Variants in HMX1 observed in about 807,000 individuals in gnomAD.
The protein encoded by HMX1 is H6 family homeobox 1.
Under a neutral mutation model 8.9 loss-of-function variants are expected in HMX1, and 8 were observed. The observed-to-expected ratio is 0.90, with a 90% CI of 0.53 to 1.63. HMX1 has a LOEUF of 1.63. Ranked by LOEUF, HMX1 falls within the 40% of genes most tolerant of loss-of-function variation. The pLI, the probability that HMX1 is intolerant of heterozygous loss-of-function variation, is 0.00. For missense variants in HMX1, 621 were observed against 558.5 expected, an observed-to-expected ratio of 1.11 and a Z score of -1.13; for synonymous variants, 311 against 283.4, an observed-to-expected ratio of 1.10 and a Z score of -0.98.
At chr4:8,859,821 C>A (rs1721736847) in intron 1 of HMX1, among the ~76,000 whole-genome samples, 2 of 152,202 alleles carry the variant, frequency 1.3e-5, no homozygotes, top group South Asian at 2.1e-4. Context: ...GCTCCCGTCC[C>A]GGCCCGAAGA....
downstream of HMX1, among the ~76,000 whole-genome samples, chr4:8,862,772 G>A (rs990166421): frequency 6.6e-6 from 1 of 152,136 alleles, no homozygotes; most frequent in Non-Finnish European, 1.5e-5. Context: ...CAAAAACTCA[G>A]CCCCACAGCT....
chr4:8,856,002 G>A lies in HMX1; in HGVS notation c.395-9678C>T, dbSNP rs549601516. Among the ~76,000 whole-genome samples, 22 of 152,308 alleles carry A rather than the reference G, an allele frequency of 1.4e-4. No homozygotes were observed. In the South Asian group the frequency reaches 2.3e-3, roughly 16 times the overall value. ...GCTGGAAGGGAGCTTGGGGACAGAT[G>A]AACAACAGGACCACAGAAAACCAAG... On this transcript the variant is annotated intron_variant, in intron 1 of 1. Transcript: ENST00000506970.
Position 8,867,942 on chromosome 4 carries a change from C to G in HMX1, c.798G>C (p.Leu266=). Residue 266 remains leucine, a synonymous_variant, in exon 2 of 2, where the codon CTG becomes CTC. Transcript: ENST00000400677. ...CCGGCGGGGACAGGCTGGCCGCCTC[C>G]AGCTCGGCTGCCAGCTGCCGCTTCC... The part of the protein sequence containing the change: ...NKWKRQLAAE[L]EAASLSPPGA... 1 of 1,483,376 alleles carries G rather than the reference C, an allele frequency of 6.7e-7. No individual in the cohort carries two copies. The highest frequency in any genetic ancestry group is 8.9e-7 in the Non-Finnish European group (1 of 1,118,224). 91.9% of individuals were successfully genotyped at this position (1,483,376 alleles called of 1,614,324 possible). A position where few individuals can be genotyped will look rare whatever the true frequency, so the allele number is the denominator to read the frequency against.
At chr4:8,855,515 G>A (rs954482995) in intron 1 of HMX1, among the ~76,000 whole-genome samples, 2 of 152,172 alleles carry the variant, frequency 1.3e-5, no homozygotes, top group African/African-American at 2.4e-5. Flanking sequence ...TCTGGGGGTC[G>A]AGGTGAGTGC....
rs1028944325 is a variant in HMX1 at position 8,867,413 on chromosome 4, G to T, written c.*280C>A. On this transcript the variant is annotated 3_prime_UTR_variant, in exon 2 of 2. Coordinates refer to ENST00000400677, the MANE Select transcript of HMX1 (RefSeq NM_018942.3). ...CCGCTCCTCGCTGAGGCCGGGGGGT[G>T]GCCGTGGCGCCGGGGGCTGCGCAGC... The T allele has an allele frequency of 3.7e-6, 4 of 1,077,142 alleles. No homozygotes were observed. The African/African-American group carries it at 6.7e-5, about 18-fold the overall frequency. 66.7% of individuals were successfully genotyped at this position (1,077,142 alleles called of 1,614,324 possible).
At position 8,868,024 on chromosome 4, in the gene HMX1, G is replaced by A; in HGVS notation, c.716C>T (p.Ser239Phe). The change falls in exon 2 of 2, where the codon TCC becomes TTC. Residue 239 changes from serine to phenylalanine, a missense_variant. Transcript: ENST00000400677. The surrounding 1 kb of genome is among the most constrained non-coding windows in gnomAD (Gnocchi z 4.6). ...SSAERAGLAA[S>F]LQLTETQVKI... ...AACCTGCGTCTCGGTGAGCTGCAGG[G>A]AGGCGGCCAGGCCGGCGCGCTCGGC... 1.9e-6 allele frequency: 3 copies of A among 1,542,134 alleles called. No homozygotes were observed. The highest frequency in any genetic ancestry group is 2.6e-6 in the Non-Finnish European group (3 of 1,145,514).
At chr4:8,864,718 T>G (rs141684969), downstream of HMX1, among the ~76,000 whole-genome samples, 4,110 of 152,276 alleles carry the variant, frequency 0.027, 206 homozygotes, top group African/African-American at 0.094. Context: ...AGGGCCAGCT[T>G]CCCTGCGCCC....
rs190286260 is a variant in HMX1 at position 8,847,229 on chromosome 4, C to T, written c.395-905G>A. Among the ~76,000 whole-genome samples the T allele has an allele frequency of 3.4e-4, 51 of 152,210 alleles. No individual in the cohort carries two copies. Among genetic ancestry groups the T allele is most frequent in the Non-Finnish European group, 5.9e-5 (4 of 68,024 alleles). On this transcript the variant is annotated intron_variant, in intron 1 of 1. Coordinates refer to the HMX1 transcript ENST00000506970. The surrounding 1 kb of genome is among the most constrained non-coding windows in gnomAD (Gnocchi z 6.0). ...GAGTGGGGAGGGTTGAGCCCAGGAG[C>T]TCCAGTCCAGCCTGAGTAACGTAGC...
chr4:8,861,711 C>T (rs1364328365), intron 1 of HMX1, among the ~76,000 whole-genome samples: 2 of 151,174 alleles, frequency 1.3e-5, no homozygotes, highest in African/African-American at 4.9e-5. Flanking sequence ...CCTGGGGCGC[C>T]GTCGTTCCAG....
chr4:8,867,969 C>T lies in HMX1; in HGVS notation c.771G>A (p.Lys257=), dbSNP rs777333801. 48 of 1,532,066 alleles carry T rather than the reference C, an allele frequency of 3.1e-5. No homozygotes were observed. The highest frequency in any genetic ancestry group is 1.8e-4 in the Middle Eastern group (1 of 5,562). 94.9% of individuals were successfully genotyped at this position (1,532,066 alleles called of 1,614,324 possible). ...VKIWFQNRRN[K]WKRQLAAELE... ...GCTCGGCTGCCAGCTGCCGCTTCCA[C>T]TTGTTGCGGCGGTTCTGGAACCAGA... Residue 257 remains lysine, a synonymous_variant, in exon 2 of 2, where the codon AAG becomes AAA. Coordinates refer to ENST00000400677, the MANE Select transcript of HMX1 (RefSeq NM_018942.3).
rs1259716264 is a variant in HMX1, at chr4:8,867,583, G to A, written c.*110C>T. The A allele has an allele frequency of 1.7e-6, 2 of 1,183,846 alleles. No homozygotes were observed. The highest frequency in any genetic ancestry group is 3.6e-5 in the East Asian group (1 of 27,504). The allele number at this position is 1,183,846 out of a possible 1,614,324, so 73.3% of individuals were successfully genotyped here. ...GCGCTCCCGAGGTATCTAGGAGGCC[G>A]CAGGAGCGACCATCCCTTCCCTAAC... On this transcript the variant is annotated 3_prime_UTR_variant, in exon 2 of 2. Coordinates refer to ENST00000400677, the MANE Select transcript of HMX1 (RefSeq NM_018942.3).
downstream of HMX1, among the ~76,000 whole-genome samples, chr4:8,863,138 A>G (rs9330984): frequency 0.066 from 10,053 of 152,208 alleles, 1,101 homozygotes; most frequent in African/African-American, 0.22. Context: ...TATGAAGCAT[A>G]TGAGTGCACA....
chr4:8,861,346 C>A (rs1176080090), intron 1 of HMX1, among the ~76,000 whole-genome samples: 1 of 152,216 alleles, frequency 6.6e-6, no homozygotes, highest in South Asian at 2.1e-4. Flanking sequence ...CCGCTGCGCC[C>A]CGGAGGCCGC....
Position 8,868,421 on chromosome 4 carries a change from C to G in HMX1, c.395-76G>C, listed in dbSNP as rs566887577. On this transcript the variant is annotated intron_variant, in intron 1 of 1. Coordinates refer to ENST00000400677, the MANE Select transcript of HMX1 (RefSeq NM_018942.3). This position sits in a 1 kb window ranked among gnomAD's most constrained non-coding sequence, Gnocchi z 4.6. ...ACTCAATCACTGAGGCCAGCCGTCC[C>G]CACCTTGAGGTCGCTCACAGCCACA... The G allele has an allele frequency of 3.1e-5, 36 of 1,144,446 alleles. No individual in the cohort carries two copies. In the South Asian group the frequency reaches 8.7e-4, roughly 28 times the overall value. 70.9% of individuals were successfully genotyped at this position (1,144,446 alleles called of 1,614,324 possible).
chr4:8,868,191 G>A lies in HMX1; in HGVS notation c.549C>T (p.Ala183=), dbSNP rs1433406695. The A allele has an allele frequency of 1.1e-5, 16 of 1,485,354 alleles. No homozygotes were observed. Among genetic ancestry groups the A allele is most frequent in the South Asian group, 1.3e-5 (1 of 78,534 alleles). 92.0% of individuals were successfully genotyped at this position (1,485,354 alleles called of 1,614,324 possible). Residue 183 remains alanine, a synonymous_variant, in exon 2 of 2, where the codon GCC becomes GCT. Coordinates refer to ENST00000400677, the MANE Select transcript of HMX1 (RefSeq NM_018942.3). This position sits in a 1 kb window ranked among gnomAD's most constrained non-coding sequence, Gnocchi z 4.6. Reference sequence around the variant, plus strand: ...TCTCCCCAGCCGCCGCAGGGACCTCGGCCAGCTCCGACGCCTCCTCCGTGC... The same window carrying A: ...TCTCCCCAGCCGCCGCAGGGACCTCAGCCAGCTCCGACGCCTCCTCCGTGC... The part of the protein sequence containing the change: ...AAGTEEASEL[A]EVPAAAGETR...
chr4:8,859,134 G>C (rs1325571784), intron 1 of HMX1: 1 of 152,278 alleles, frequency 6.6e-6, no homozygotes, highest in Non-Finnish European at 1.5e-5. Context: ...AGTTGGCCAA[G>C]GTCTCTTCTA....
At chr4:8,857,379 C>T (rs1721641288) in intron 1 of HMX1, among the ~76,000 whole-genome samples, 1 of 152,150 alleles carries the variant, frequency 6.6e-6, no homozygotes, top group African/African-American at 2.4e-5. Context: ...GGGCCCCCTC[C>T]CCAGGTAGGA....
At position 8,848,369 on chromosome 4, in the gene HMX1, T is replaced by G. The variant is rs1223293547; in HGVS notation, c.395-2045A>C. On this transcript the variant is annotated intron_variant, in intron 1 of 1. Coordinates refer to the HMX1 transcript ENST00000506970. The surrounding 1 kb of genome is among the most constrained non-coding windows in gnomAD (Gnocchi z 4.1). ...TTTATATCACATATGTGGTTCACAG[T>G]CATAGCTTCTATTGGACAATGCCAC... Among the ~76,000 whole-genome samples the G allele has an allele frequency of 2.0e-5, 3 of 152,230 alleles. No individual in the cohort carries two copies. The highest frequency in any genetic ancestry group is 4.1e-4 in the South Asian group (2 of 4,830).
At chr4:8,851,000 T>G (rs1157352463) in intron 1 of HMX1, among the ~76,000 whole-genome samples, 1 of 152,244 alleles carries the variant, frequency 6.6e-6, no homozygotes, top group African/African-American at 2.4e-5. Flanking sequence ...TTTCTGGGTC[T>G]TCGTGCCTAG....
Sources: allele counts gnomAD v4.1 joint callset (sites outside exome capture counted in the v4.1 genomes callset), GRCh38; gene constraint gnomAD v4.1.1; non-coding constraint Gnocchi (gnomAD v3.1); transcripts MANE v1.5; gene names NCBI Gene and HGNC (gene_info 2026-07-23, HGNC 2026-07-21).